LARGE1: variants seen among roughly 807,000 people sequenced by gnomAD.
LARGE1 encodes xylosyl- and glucuronyltransferase LARGE1.
In LARGE1, 43 loss-of-function variants were observed where a neutral mutation model predicts 87.6. That is an observed-to-expected ratio of 0.49 (90% CI 0.38 to 0.63). The LOEUF is 0.63. Ranked by LOEUF, LARGE1 falls within the 30% of genes least tolerant of loss-of-function variation. LARGE1 has a pLI of 0.00. For missense variants in LARGE1, 802 were observed against 1,000.2 expected (o/e 0.80, Z 2.67); for synonymous variants, 434 against 394.6 (o/e 1.10, Z -1.18).
chr22:33,548,787 A>G (rs190124351), intron 6 of LARGE1, among the ~76,000 whole-genome samples: 14 of 152,350 alleles, frequency 9.2e-5, no homozygotes, highest in Admixed American at 9.2e-4. Context: ...GTAGTATACA[A>G]TGTCTCAAAA....
At chr22:33,815,787 C>A (rs563504536) in intron 1 of LARGE1, among the ~76,000 whole-genome samples, 5 of 152,278 alleles carry the variant, frequency 3.3e-5, no homozygotes, top group African/African-American at 9.6e-5. Flanking sequence ...TCCATGCAGA[C>A]GGCTCAGCAG....
chr22:33,252,503 C>G (rs923841174), intron 11 of LARGE1, among the ~76,000 whole-genome samples: 1 of 152,106 alleles, frequency 6.6e-6, no homozygotes, highest in Admixed American at 6.5e-5. Context: ...TAAACGTTCT[C>G]TTATTATTAT....
chr22:33,248,040 C>A (rs1053727600), intron 11 of LARGE1, among the ~76,000 whole-genome samples: 1 of 152,152 alleles, frequency 6.6e-6, no homozygotes, highest in Non-Finnish European at 1.5e-5. Flanking sequence ...AAGATTGGAA[C>A]CTCATAACTG....
At chr22:33,383,964 C>T (rs1490587683) in intron 8 of LARGE1, among the ~76,000 whole-genome samples, 2 of 152,222 alleles carry the variant, frequency 1.3e-5, no homozygotes, top group Admixed American at 1.3e-4. Context: ...TCCTGGTATA[C>T]ACAGTACTCA....
intron 2 of LARGE1, among the ~76,000 whole-genome samples, chr22:33,702,729 C>T (rs1435954907): frequency 1.3e-5 from 2 of 152,188 alleles, no homozygotes; most frequent in African/African-American, 4.8e-5. Flanking sequence ...CATCAAATTA[C>T]AGCAGCTCCT....
At chr22:33,844,709 T>C (rs2063380075) in intron 1 of LARGE1, among the ~76,000 whole-genome samples, 1 of 151,306 alleles carries the variant, frequency 6.6e-6, no homozygotes, top group African/African-American at 2.4e-5. Context: ...AAAATAAGAG[T>C]GTGGTTTCCA....
intron 5 of LARGE1, among the ~76,000 whole-genome samples, chr22:33,567,554 G>A (rs941039329): frequency 6.6e-6 from 1 of 152,112 alleles, no homozygotes. Flanking sequence ...CCTTGGACAG[G>A]TTTGCTCAGC....
At chr22:33,292,545 C>T (rs1400793150) in intron 12 of LARGE1, among the ~76,000 whole-genome samples, 1 of 152,068 alleles carries the variant, frequency 6.6e-6, no homozygotes, top group Non-Finnish European at 1.5e-5. Flanking sequence ...GGATGCCAGG[C>T]TTACATGTCG....
At chr22:33,896,180 A>G (rs1245026877) in intron 1 of LARGE1, among the ~76,000 whole-genome samples, 1 of 152,220 alleles carries the variant, frequency 6.6e-6, no homozygotes, top group Non-Finnish European at 1.5e-5. Flanking sequence ...AGGTGGAATG[A>G]TAAATATTTA....
intron 2 of LARGE1, among the ~76,000 whole-genome samples, chr22:33,690,788 T>C (rs2082077953): frequency 6.6e-6 from 1 of 152,116 alleles, no homozygotes; most frequent in Non-Finnish European, 1.5e-5. Flanking sequence ...CGCTAGCTGA[T>C]GAGGCTGGCA....
chr22:33,561,020 T>C (rs574173115), intron 6 of LARGE1, among the ~76,000 whole-genome samples: 2 of 152,166 alleles, frequency 1.3e-5, no homozygotes, highest in Non-Finnish European at 2.9e-5. Context: ...TTCACCGTGT[T>C]AGCCAGGATG....
intron 1 of LARGE1, among the ~76,000 whole-genome samples, chr22:33,783,610 G>A (rs2085501985): frequency 6.6e-6 from 1 of 152,086 alleles, no homozygotes; most frequent in Admixed American, 6.6e-5. Context: ...AGGAAGAAGA[G>A]GTGTCTACTA....
chr22:33,334,669 A>T (rs1457645912), intron 10 of LARGE1, among the ~76,000 whole-genome samples: 1 of 152,156 alleles, frequency 6.6e-6, no homozygotes, highest in Non-Finnish European at 1.5e-5. Context: ...CAAGGGAGAG[A>T]GGGGAGAGAG....
intron 6 of LARGE1, among the ~76,000 whole-genome samples, chr22:33,559,370 C>T (rs1297648561): frequency 5.9e-5 from 9 of 152,086 alleles, no homozygotes; most frequent in Admixed American, 1.3e-4. Flanking sequence ...TTAGTAGAGA[C>T]GGGGTTTCGC....
intron 5 of LARGE1, among the ~76,000 whole-genome samples, chr22:33,583,401 A>C (rs1471129978): frequency 1.3e-5 from 2 of 152,124 alleles, no homozygotes. Context: ...TTATCTCTTG[A>C]TTTTCTACTC....
intron 1 of LARGE1, among the ~76,000 whole-genome samples, chr22:33,915,040 C>G (rs4994874): frequency 0.074 from 6,777 of 91,384 alleles, 405 homozygotes; most frequent in African/African-American, 0.2. Flanking sequence ...CACACACACA[C>G]ACAGAGAGAG....
chr22:33,270,396 A>G (rs1301759693), downstream of LARGE1, among the ~76,000 whole-genome samples: 2 of 152,210 alleles, frequency 1.3e-5, no homozygotes, highest in Non-Finnish European at 2.9e-5. Context: ...TCAGTATTGT[A>G]TGGGAAGGCA....
intron 6 of LARGE1, among the ~76,000 whole-genome samples, chr22:33,548,518 C>A (rs553762071): frequency 8.5e-5 from 13 of 152,246 alleles, no homozygotes; most frequent in Non-Finnish European, 1.3e-4. Context: ...CGGGTACAGG[C>A]GATTCCCCTG....
chr22:33,849,799 C>T (rs1287354602), intron 1 of LARGE1, among the ~76,000 whole-genome samples: 1 of 152,036 alleles, frequency 6.6e-6, no homozygotes, highest in African/African-American at 2.4e-5. Flanking sequence ...CGGGGTTTCA[C>T]CGTGTTGGCC....
Sources: allele counts gnomAD v4.1 joint callset (sites outside exome capture counted in the v4.1 genomes callset), GRCh38; gene constraint gnomAD v4.1.1; transcripts MANE v1.5; gene names NCBI Gene and HGNC (gene_info 2026-07-23, HGNC 2026-07-21).